ANAPC1: variants seen among roughly 807,000 people sequenced by gnomAD.
ANAPC1 encodes anaphase-promoting complex subunit 1.
A neutral mutation model predicts 208.0 loss-of-function variants in ANAPC1; 36 were observed. The observed-to-expected ratio is 0.17, with a 90% CI of 0.13 to 0.23. The LOEUF is 0.23. Among genes scored for constraint, ANAPC1 ranks in the 10% least tolerant of loss-of-function variants. The pLI is 1.00. For missense variants in ANAPC1, 942 were observed against 2,011.6 expected, an observed-to-expected ratio of 0.47 and a Z score of 10.17; for synonymous variants, 378 against 695.2, an observed-to-expected ratio of 0.54 and a Z score of 7.18.
chr2:111,815,238 T>G, intron 28 of ANAPC1, 132 bp downstream of exon 28: 1 of 194,620 alleles, frequency 5.1e-6, no homozygotes, highest in South Asian at 5.7e-5. Context: ...TTTAGAAAGA[T>G]TATTCCATGT....
intron 8 of ANAPC1, among the ~76,000 whole-genome samples, chr2:111,864,105 T>C (rs1057151623): frequency 6.6e-6 from 1 of 152,102 alleles, no homozygotes; most frequent in South Asian, 2.1e-4. Context: ...GGAGAGAGGA[T>C]AGCTTGAGCC....
chr2:111,872,770 T>C, intron 5 of ANAPC1, 58 bp from the exon 6 acceptor site: 1 of 1,118,028 alleles, frequency 8.9e-7, no homozygotes, highest in South Asian at 1.4e-5. Context: ...CTTTATAAAA[T>C]GTTTTAAAGA....
At chr2:111,840,026 C>G (rs1443579959) in intron 17 of ANAPC1, among the ~76,000 whole-genome samples, 2 of 152,106 alleles carry the variant, frequency 1.3e-5, no homozygotes, top group Non-Finnish European at 2.9e-5. Flanking sequence ...TCTGTTTTGT[C>G]TGGGGTATAT....
intron 3 of ANAPC1, among the ~76,000 whole-genome samples, chr2:111,875,713 T>G (rs1173179834): frequency 2.0e-5 from 3 of 152,226 alleles, no homozygotes; most frequent in South Asian, 2.1e-4. Flanking sequence ...CCAAATTCCT[T>G]GGTTTATATA....
Position 111,880,718 on chromosome 2 carries a change from G to A in ANAPC1, c.108C>T (p.Asn36=). Residue 36 remains asparagine, a synonymous_variant, in exon 2 of 48, where the codon AAC becomes AAT. Coordinates refer to ENST00000341068, the MANE Select transcript of ANAPC1 (RefSeq NM_022662.4). Reference sequence around the variant, plus strand: ...CTGGCTGCAGCTGGCGAAGTTGAAGGTTCAAAGCATTAGGGTGGTGCTTGC... The same window carrying A: ...CTGGCTGCAGCTGGCGAAGTTGAAGATTCAAAGCATTAGGGTGGTGCTTGC... ...DHCKHHPNAL[N]LQLRQLQPAS... 6.2e-7 allele frequency: 1 copy of A among 1,613,910 alleles called. No individual in the cohort carries two copies. Among genetic ancestry groups the A allele is most frequent in the Non-Finnish European group, 8.5e-7 (1 of 1,179,866 alleles).
chr2:111,834,776 T>A lies in ANAPC1; in HGVS notation c.2212A>T (p.Met738Leu). 6.2e-7 allele frequency: 1 copy of A among 1,613,286 alleles called. No individual in the cohort carries two copies. Residue 738 changes from methionine to leucine, a missense_variant, in exon 19 of 48, where the codon ATG becomes TTG. Met to Leu is a conservative substitution (Grantham distance 15, BLOSUM62 2). Transcript: ENST00000341068. ...LCLSPSEASQ[M>L]KDEDFSQNLS... ...TTCTGTGAAAAATCCTCATCCTTCA[T>A]CTGTGAAGCTTCTGAAGGACTCAGA...
rs1573279133 is a variant in ANAPC1, at chr2:111,768,060, G to A, written c.*1231C>T. 2 of 152,106 alleles carry A rather than the reference G, an allele frequency of 1.3e-5. No individual in the cohort carries two copies. Among genetic ancestry groups the A allele is most frequent in the African/African-American group, 4.8e-5 (2 of 41,386 alleles). 9.4% of individuals were successfully genotyped at this position (152,106 alleles called of 1,614,324 possible). On this transcript the variant is annotated 3_prime_UTR_variant, in exon 48 of 48. Coordinates refer to ENST00000341068, the MANE Select transcript of ANAPC1 (RefSeq NM_022662.4). ...TTTTAAAGTCAAACACCACAGTTCAGGATGTGGAAGAAATATGAAGTCAGT... is the reference window on the plus strand; with the variant it reads ...TTTTAAAGTCAAACACCACAGTTCAAGATGTGGAAGAAATATGAAGTCAGT...
intron 24 of ANAPC1, among the ~76,000 whole-genome samples, chr2:111,823,219 G>A (rs1239296738): frequency 9.3e-5 from 14 of 151,108 alleles, no homozygotes; most frequent in African/African-American, 1.5e-4. Flanking sequence ...GGGTTTCACC[G>A]TATTAGCCAG....
chr2:111,791,966 C>T (rs1677899727), intron 38 of ANAPC1, among the ~76,000 whole-genome samples: 1 of 150,680 alleles, frequency 6.6e-6, no homozygotes, highest in South Asian at 2.1e-4. Flanking sequence ...AGGAATGGCA[C>T]ATGTTGGAAA....
intron 16 of ANAPC1, among the ~76,000 whole-genome samples, chr2:111,846,545 ATATATATATATATATTTTTTTTTTTTT>A (rs1208935118): frequency 1.9e-5 from 1 of 52,842 alleles, no homozygotes; most frequent in Non-Finnish European, 3.7e-5. Context: ...ATATATATAT[ATATATATATATATATTTTTTTTTTTTT>A]TTTTTTTTTT....
chr2:111,779,208 G>A (rs1438699071), intron 44 of ANAPC1: 1 of 158,954 alleles, frequency 6.3e-6, no homozygotes, highest in Non-Finnish European at 1.4e-5. Flanking sequence ...CCGTGACCTG[G>A]AGTGCACAGC....
At chr2:111,766,895 C>A (rs1645588854), downstream of ANAPC1, 1 of 468,804 alleles carries the variant, frequency 2.1e-6, no homozygotes, top group Non-Finnish European at 4.4e-6. Flanking sequence ...AGTTACTAGA[C>A]AAAGGGTGAG....
At chr2:111,864,700 T>A in intron 8 of ANAPC1, 106 bp downstream of exon 8, 2 of 1,565,058 alleles carry the variant, frequency 1.3e-6, no homozygotes, top group Non-Finnish European at 8.7e-7. Flanking sequence ...TGACCTCAAG[T>A]GATCCGCCTG....
At chr2:111,838,147 C>A (rs1198790013) in intron 18 of ANAPC1, among the ~76,000 whole-genome samples, 2 of 150,462 alleles carry the variant, frequency 1.3e-5, no homozygotes, top group Non-Finnish European at 3.0e-5. Context: ...TTAAAAAACA[C>A]TGCATAAAAA....
At chr2:111,779,961 A>G (rs1396876965) in intron 44 of ANAPC1, 2 of 242,814 alleles carry the variant, frequency 8.2e-6, no homozygotes, top group East Asian at 2.5e-4. Flanking sequence ...GAAACAGTTA[A>G]TGAAATTACA....
chr2:111,847,151 G>A lies in ANAPC1; in HGVS notation c.1839C>T (p.Ala613=). Residue 613 remains alanine (A), a synonymous_variant, in exon 16 of 48, where the codon GCC becomes GCT. Transcript: ENST00000341068. ...TCTCAATCGTACCTAACTCAGAGGT[G>A]GCAATTTCAGGAATAGTGATCCTAA... The part of the protein sequence containing the change: ...SMVRITIPEI[A]TSELVQTCLQ... The A allele has an allele frequency of 6.2e-7, 1 of 1,609,548 alleles. No individual in the cohort carries two copies. The highest frequency in any genetic ancestry group is 1.1e-5 in the South Asian group (1 of 90,744).
Position 111,825,072 on chromosome 2 carries a change from A to G in ANAPC1, c.2742-36T>C, listed in dbSNP as rs116810520. 10,502 of 1,613,812 alleles carry G rather than the reference A, an allele frequency of 6.5e-3. 650 individuals carry two copies. In the African/African-American group the frequency reaches 0.12, roughly 19 times the overall value. ...ATAAAACATAAAGTTATTAAGCAGA[A>G]CAGTAAATAATATTGTTTTAAGTGT... is the stretch of plus-strand genomic sequence containing the variant. On this transcript the variant is annotated intron_variant, in intron 23 of 47. Transcript: ENST00000341068.
At chr2:111,867,948 A>AAGC (rs1491186576) in intron 7 of ANAPC1, 75 bp downstream of exon 7, 1 of 893,530 alleles carries the variant, frequency 1.1e-6, no homozygotes, top group Non-Finnish European at 1.7e-6. Context: ...GTTTTCATAT[A>AAGC]AGCGCCTTTA....
chr2:111,868,823 A>G (rs1682578435), intron 6 of ANAPC1, among the ~76,000 whole-genome samples: 1 of 151,904 alleles, frequency 6.6e-6, no homozygotes, highest in South Asian at 2.1e-4. Flanking sequence ...GTGAGCCACC[A>G]CACCTGGCCA....
Sources: allele counts gnomAD v4.1 joint callset (sites outside exome capture counted in the v4.1 genomes callset), GRCh38; gene constraint gnomAD v4.1.1; transcripts MANE v1.5; gene names NCBI Gene and HGNC (gene_info 2026-07-23, HGNC 2026-07-21).